The following SAMD5 variants were observed in gnomAD, a reference collection of about 807,000 sequenced individuals.
SAMD5 encodes the protein sterile alpha motif domain-containing protein 5.
In SAMD5, 13 loss-of-function variants were observed where a neutral mutation model predicts 11.3. That is an observed-to-expected ratio of 1.15 (90% CI 0.75 to 1.83). The LOEUF is 1.83. Among genes scored for constraint, SAMD5 ranks in the 40% most tolerant of loss-of-function variants. The pLI, the probability that SAMD5 is intolerant of heterozygous loss-of-function variation, is 0.00. For missense variants in SAMD5, 255 were observed against 239.1 expected, an observed-to-expected ratio of 1.07 and a Z score of -0.44; for synonymous variants, 129 against 111.3, an observed-to-expected ratio of 1.16 and a Z score of -1.00.
chr6:147,808,839 A>G, the SAMD5 span, among the ~76,000 whole-genome samples: 1 of 152,162 alleles, frequency 6.6e-6, no homozygotes, highest in Non-Finnish European at 1.5e-5. Context: ...AGCTGTGGAT[A>G]TGAGGGCAGC....
intron 1 of SAMD5, among the ~76,000 whole-genome samples, chr6:147,597,577 A>G (rs554470778): frequency 5.3e-5 from 8 of 152,348 alleles, no homozygotes; most frequent in Non-Finnish European, 1.0e-4. Context: ...AAAATTAAAC[A>G]TGGCAGTTGA....
At chr6:147,858,334 GCT>G in the SAMD5 span, among the ~76,000 whole-genome samples, 1 of 152,040 alleles carries the variant, frequency 6.6e-6, no homozygotes, top group Non-Finnish European at 1.5e-5. Context: ...TTCAAATATT[GCT>G]CTCTGTTTTC....
At chr6:147,846,808 A>C in the SAMD5 span, among the ~76,000 whole-genome samples, 3 of 152,226 alleles carry the variant, frequency 2.0e-5, no homozygotes, top group Admixed American at 6.5e-5. Context: ...TGACAGAGCG[A>C]AACTGTCTCC....
At chr6:147,789,659 G>A in the SAMD5 span, among the ~76,000 whole-genome samples, 12 of 152,088 alleles carry the variant, frequency 7.9e-5, no homozygotes, top group South Asian at 1.9e-3. Context: ...ATCAGATTTC[G>A]TTGATTTTTT....
the SAMD5 span, among the ~76,000 whole-genome samples, chr6:147,764,693 T>G: frequency 5.3e-4 from 80 of 152,350 alleles, no homozygotes; most frequent in African/African-American, 1.8e-3. Flanking sequence ...CCATCTGAGT[T>G]TCTCTTACAC....
chr6:147,689,759 A>G (rs1381932052), intron 1 of SAMD5, among the ~76,000 whole-genome samples: 3 of 152,190 alleles, frequency 2.0e-5, no homozygotes. Context: ...TAGGAAACAG[A>G]TATGGTGAAT....
chr6:147,599,934 G>A (rs1789590513), intron 1 of SAMD5, among the ~76,000 whole-genome samples: 1 of 152,108 alleles, frequency 6.6e-6, no homozygotes, highest in African/African-American at 2.4e-5. Context: ...ATGGGACCAG[G>A]AGGTATATAT....
At chr6:147,725,021 G>A (rs1791606097) in intron 1 of SAMD5, among the ~76,000 whole-genome samples, 1 of 152,040 alleles carries the variant, frequency 6.6e-6, no homozygotes, top group East Asian at 1.9e-4. Flanking sequence ...TTGTTGATAG[G>A]CATAAACTTG....
In SAMD5 at chr6:147,536,627, C is replaced by G. The variant is rs183417678; in HGVS notation, c.459+27240C>G. Among the ~76,000 whole-genome samples the G allele has an allele frequency of 1.5e-3, 226 of 151,614 alleles. 8 individuals carry two copies. The South Asian group carries it at 0.031, about 21-fold the overall frequency. On this transcript the variant is annotated intron_variant, in intron 1 of 1. Coordinates refer to ENST00000367474, the MANE Select transcript of SAMD5 (RefSeq NM_001030060.3). ...TTATAAACTGCCTTTTGAAAAGGAC[C>G]AAAGCAAGACAAAATATCTGTGGAT... is the stretch of plus-strand genomic sequence containing the variant.
chr6:147,721,455 G>A (rs1353693864), intron 1 of SAMD5, among the ~76,000 whole-genome samples: 2 of 152,154 alleles, frequency 1.3e-5, no homozygotes, highest in South Asian at 4.1e-4. Context: ...GCCAGTGATG[G>A]TGAGCATTTT....
At chr6:147,690,967 G>GTT (rs35385533) in intron 1 of SAMD5, among the ~76,000 whole-genome samples, 9 of 73,412 alleles carry the variant, frequency 1.2e-4, no homozygotes, top group East Asian at 4.4e-4. Context: ...CAGCTCTCGG[G>GTT]TTTTTTTTTT....
At chr6:147,684,620 G>T (rs189957992) in intron 1 of SAMD5, among the ~76,000 whole-genome samples, 2 of 152,292 alleles carry the variant, frequency 1.3e-5, no homozygotes, top group Admixed American at 1.3e-4. Context: ...CTAACATTTA[G>T]CATTGCCATC....
At chr6:147,693,231 A>G (rs77249778) in intron 1 of SAMD5, among the ~76,000 whole-genome samples, 100 of 152,314 alleles carry the variant, frequency 6.6e-4, no homozygotes, top group East Asian at 5.6e-3. Context: ...TTTGACCTCC[A>G]TGGCATCCCT....
At chr6:147,860,721 C>T in the SAMD5 span, among the ~76,000 whole-genome samples, 7 of 152,166 alleles carry the variant, frequency 4.6e-5, no homozygotes, top group Non-Finnish European at 8.8e-5. Flanking sequence ...CTAATAGGAA[C>T]ACAAGAATTA....
At position 147,538,257 on chromosome 6, in the gene SAMD5, T is replaced by A. The variant is rs572494576; in HGVS notation, c.460-26137T>A. On this transcript the variant is annotated intron_variant, in intron 1 of 1. Coordinates refer to ENST00000367474, the MANE Select transcript of SAMD5 (RefSeq NM_001030060.3). ...ACTTGTTTAGACCCACAGAATTTTT[T>A]AATAAGATAAACGCATTACAAACCC... 9.2e-5 allele frequency among the ~76,000 whole-genome samples: 14 copies of A among 152,364 alleles called. No individual in the cohort carries two copies. In the East Asian group the frequency reaches 2.5e-3, roughly 27 times the overall value.
In SAMD5 at chr6:147,564,481, G is replaced by A; in HGVS notation, c.*25G>A. On this transcript the variant is annotated 3_prime_UTR_variant, in exon 2 of 2. Transcript: ENST00000367474. ...GATATCATTTTTGAGACCTCGTGGAGGACTGATGAGGTGCCTGAAGACTGG... is the reference window on the plus strand; with the variant it reads ...GATATCATTTTTGAGACCTCGTGGAAGACTGATGAGGTGCCTGAAGACTGG... 1.3e-6 allele frequency: 1 copy of A among 792,652 alleles called. No individual in the cohort carries two copies. The highest frequency in any genetic ancestry group is 2.3e-6 in the Non-Finnish European group (1 of 429,288). 49.1% of individuals were successfully genotyped at this position (792,652 alleles called of 1,614,324 possible).
intron 1 of SAMD5, among the ~76,000 whole-genome samples, chr6:147,623,609 C>G (rs1367552257): frequency 6.6e-6 from 1 of 152,148 alleles, no homozygotes; most frequent in African/African-American, 2.4e-5. Flanking sequence ...TAATATAACC[C>G]AGCAGATACT....
chr6:147,635,676 T>A (rs1176837404), intron 1 of SAMD5, among the ~76,000 whole-genome samples: 2 of 152,246 alleles, frequency 1.3e-5, no homozygotes, highest in Non-Finnish European at 2.9e-5. Context: ...GGAGACATCA[T>A]GTAAGCAGAG....
Position 147,512,191 on chromosome 6 carries a change from C to T in SAMD5, c.459+2804C>T, listed in dbSNP as rs570395516. On this transcript the variant is annotated intron_variant, in intron 1 of 1. Coordinates refer to ENST00000367474, the MANE Select transcript of SAMD5 (RefSeq NM_001030060.3). ...CAGGCTCATCTCGAACTCCTGGCCTCAGGTGATCCAGCCACCTTGGCCTCC... is the reference window on the plus strand; with the variant it reads ...CAGGCTCATCTCGAACTCCTGGCCTTAGGTGATCCAGCCACCTTGGCCTCC... 3.9e-5 allele frequency among the ~76,000 whole-genome samples: 6 copies of T among 152,292 alleles called. No individual in the cohort carries two copies. The South Asian group carries it at 1.2e-3, about 32-fold the overall frequency.
Sources: gnomAD v4.1 joint callset for allele counts (sites outside exome capture counted in the v4.1 genomes callset) on GRCh38, gnomAD v4.1.1 for gene constraint, MANE v1.5 for transcripts, NCBI Gene and HGNC (gene_info 2026-07-23, HGNC 2026-07-21) for gene names.